HUNK: variants seen among roughly 807,000 people sequenced by gnomAD.
HUNK encodes the protein hormonally up-regulated Neu-associated kinase.
Under a neutral mutation model 61.0 loss-of-function variants are expected in HUNK, and 21 were observed. The observed-to-expected ratio is 0.34, with a 90% CI of 0.24 to 0.50. The LOEUF (loss-of-function observed/expected upper bound fraction) is 0.50. Ranked by LOEUF, HUNK falls within the 20% of genes least tolerant of loss-of-function variation. The probability of loss-of-function intolerance (pLI) is 0.98; values close to 1 mark genes in which losing one functional copy is unlikely to be tolerated. For missense variants in HUNK, 772 were observed against 945.7 expected, an observed-to-expected ratio of 0.82 and a Z score of 2.41; for synonymous variants, 371 against 386.1, an observed-to-expected ratio of 0.96 and a Z score of 0.46.
chr21:31,962,482 T>C (rs1239751951), intron 5 of HUNK, among the ~76,000 whole-genome samples: 2 of 152,202 alleles, frequency 1.3e-5, no homozygotes, highest in South Asian at 2.1e-4. Context: ...TAAAAAATGG[T>C]CCAAAGTTAG....
At chr21:31,877,740 G>A (rs1165852074) in intron 1 of HUNK, among the ~76,000 whole-genome samples, 2 of 152,184 alleles carry the variant, frequency 1.3e-5, no homozygotes, top group Admixed American at 6.5e-5. Context: ...GAGCAAAGCT[G>A]TTGAGCAACA....
rs1035126532 is a variant in HUNK at position 31,968,148 on chromosome 21, G to A, written c.875-102G>A. The A allele has an allele frequency of 9.9e-5, 139 of 1,402,890 alleles. No homozygotes were observed. The East Asian group carries it at 1.1e-3, about 11-fold the overall frequency. The allele number at this position is 1,402,890 out of a possible 1,614,324, so 86.9% of individuals were successfully genotyped here. On this transcript the variant is annotated intron_variant, in intron 5 of 10. Transcript: ENST00000270112. ...GAAGAGATCACCCCAGCAGTGACTC[G>A]GGATGGGCAGGCAAGGTGGCGAGTC...
intron 2 of HUNK, among the ~76,000 whole-genome samples, chr21:31,929,773 G>A (rs1418095403): frequency 6.6e-6 from 1 of 152,238 alleles, no homozygotes; most frequent in Non-Finnish European, 1.5e-5. Flanking sequence ...CCAGGGCCAT[G>A]ACCTTATCCA....
chr21:31,946,468 C>T (rs1175713580), intron 4 of HUNK, among the ~76,000 whole-genome samples: 1 of 152,160 alleles, frequency 6.6e-6, no homozygotes, highest in Non-Finnish European at 1.5e-5. Context: ...CATCCTCCTG[C>T]CCTTAGCTTC....
intron 2 of HUNK, among the ~76,000 whole-genome samples, chr21:31,928,292 G>C (rs756323092): frequency 6.6e-6 from 1 of 152,136 alleles, no homozygotes; most frequent in Non-Finnish European, 1.5e-5. Flanking sequence ...TCAGGATCGC[G>C]AGAACAACAA....
At chr21:31,921,621 C>T (rs770431709) in intron 1 of HUNK, among the ~76,000 whole-genome samples, 5 of 151,976 alleles carry the variant, frequency 3.3e-5, no homozygotes, top group Non-Finnish European at 5.9e-5. Flanking sequence ...AGAGCTTCTG[C>T]AAGAAATCAG....
At chr21:31,995,158 C>CAAAAA (rs34858300) in intron 9 of HUNK, among the ~76,000 whole-genome samples, 1 of 73,890 alleles carries the variant, frequency 1.4e-5, no homozygotes, top group African/African-American at 5.7e-5. Context: ...GACCCTGCCT[C>CAAAAA]AAAAAAAAAA....
At chr21:31,944,873 G>C (rs1410748829) in intron 3 of HUNK, among the ~76,000 whole-genome samples, 1 of 152,096 alleles carries the variant, frequency 6.6e-6, no homozygotes, top group Non-Finnish European at 1.5e-5. Context: ...AAACATTTTG[G>C]CTGTGACATC....
chr21:31,906,857 C>T (rs1297097015), intron 1 of HUNK, among the ~76,000 whole-genome samples: 1 of 152,148 alleles, frequency 6.6e-6, no homozygotes, highest in Non-Finnish European at 1.5e-5. Context: ...CCTCTCACCA[C>T]ATGTAGCTGT....
intron 9 of HUNK, among the ~76,000 whole-genome samples, chr21:31,995,158 CA>C (rs34858300): frequency 0.16 from 11,876 of 74,096 alleles, 339 homozygotes; most frequent in South Asian, 0.26. Context: ...GACCCTGCCT[CA>C]AAAAAAAAAA....
intron 1 of HUNK, among the ~76,000 whole-genome samples, chr21:31,923,190 C>T (rs1034133071): frequency 2.6e-5 from 4 of 152,124 alleles, no homozygotes; most frequent in Non-Finnish European, 5.9e-5. Flanking sequence ...ACGCCTTTGA[C>T]GCCGGTGCTT....
At chr21:31,904,319 A>G (rs1035781809) in intron 1 of HUNK, among the ~76,000 whole-genome samples, 1 of 152,144 alleles carries the variant, frequency 6.6e-6, no homozygotes, top group African/African-American at 2.4e-5. Flanking sequence ...TAGAAACTAC[A>G]TTTATCTGAT....
At chr21:31,905,043 A>G (rs2052495448) in intron 1 of HUNK, among the ~76,000 whole-genome samples, 1 of 150,558 alleles carries the variant, frequency 6.6e-6, no homozygotes, top group Non-Finnish European at 1.5e-5. Context: ...GCACCACTGC[A>G]CTCCAGCCTG....
At chr21:31,985,429 T>G (rs1208692570) in intron 8 of HUNK, among the ~76,000 whole-genome samples, 2 of 152,116 alleles carry the variant, frequency 1.3e-5, no homozygotes, top group Non-Finnish European at 2.9e-5. Context: ...GAAGCAGGTG[T>G]CCAGAGACAC....
intron 1 of HUNK, among the ~76,000 whole-genome samples, chr21:31,895,799 A>G (rs1005601983): frequency 1.3e-5 from 2 of 152,158 alleles, no homozygotes; most frequent in Non-Finnish European, 2.9e-5. Flanking sequence ...GGTCAGTGTG[A>G]AGGAGGGCAT....
intron 1 of HUNK, among the ~76,000 whole-genome samples, chr21:31,888,911 G>A (rs917155771): frequency 3.3e-5 from 5 of 151,984 alleles, no homozygotes; most frequent in African/African-American, 4.8e-5. Context: ...ATACATACAC[G>A]TTTTTGTTAG....
chr21:31,974,502 G>A, intron 6 of HUNK, 53 bp from the exon 7 acceptor site: 1 of 1,542,526 alleles, frequency 6.5e-7, no homozygotes, highest in Non-Finnish European at 8.8e-7. Context: ...GGTCTGTGTG[G>A]GGCTCTCCGT....
intron 9 of HUNK, among the ~76,000 whole-genome samples, chr21:31,994,546 T>C (rs2053190661): frequency 1.3e-5 from 2 of 152,202 alleles, no homozygotes; most frequent in African/African-American, 4.8e-5. Context: ...CTTTTTTTCC[T>C]CCTCACCCAC....
At chr21:31,959,018 C>T in intron 5 of HUNK, 48 bp downstream of exon 5, 1 of 1,501,180 alleles carries the variant, frequency 6.7e-7, no homozygotes, top group Non-Finnish European at 8.9e-7. Context: ...GCTGTCGTGA[C>T]CAGTTCGGGT....
Sources: allele counts gnomAD v4.1 joint callset (sites outside exome capture counted in the v4.1 genomes callset), GRCh38; gene constraint gnomAD v4.1.1; transcripts MANE v1.5; gene names NCBI Gene and HGNC (gene_info 2026-07-23, HGNC 2026-07-21).